POU2F2: variants seen among roughly 807,000 people sequenced by gnomAD.
POU2F2 encodes POU class 2 homeobox 2.
A neutral mutation model predicts 63.5 loss-of-function variants in POU2F2; 14 were observed. The observed-to-expected ratio is 0.22, with a 90% CI of 0.15 to 0.34. The LOEUF (loss-of-function observed/expected upper bound fraction) is 0.34. POU2F2 is among the 10% of genes least tolerant of loss of function. The probability of loss-of-function intolerance (pLI) is 1.00; values close to 1 mark genes in which losing one functional copy is unlikely to be tolerated. For missense variants in POU2F2, 607 were observed against 815.2 expected, an observed-to-expected ratio of 0.74 and a Z score of 3.11; for synonymous variants, 306 against 348.6, an observed-to-expected ratio of 0.88 and a Z score of 1.36.
intron 1 of POU2F2, among the ~76,000 whole-genome samples, chr19:42,196,154 G>T (rs1450399093): frequency 6.6e-6 from 1 of 152,042 alleles, no homozygotes; most frequent in Non-Finnish European, 1.5e-5. Flanking sequence ...CCTGGGCTCC[G>T]ACCCGCTGTG....
intron 5 of POU2F2, among the ~76,000 whole-genome samples, chr19:42,115,022 C>T (rs1489106172): frequency 1.3e-5 from 2 of 152,044 alleles, no homozygotes; most frequent in East Asian, 1.9e-4. Context: ...TGGTGGCATG[C>T]ACTTGTAGTC....
intron 2 of POU2F2, among the ~76,000 whole-genome samples, chr19:42,137,599 G>T (rs943950356): frequency 6.6e-6 from 1 of 151,850 alleles, no homozygotes; most frequent in Admixed American, 6.6e-5. Flanking sequence ...GGTGGTGTGC[G>T]TCTGTAGTCC....
chr19:42,175,599 T>C (rs936532170), intron 1 of POU2F2, among the ~76,000 whole-genome samples: 29 of 148,896 alleles, frequency 1.9e-4, no homozygotes, highest in African/African-American at 4.0e-4. Context: ...AAGGAAGAGA[T>C]AGAAACTGAA....
chr19:42,093,303 C>A (rs1365330702), intron 12 of POU2F2, among the ~76,000 whole-genome samples: 3 of 151,906 alleles, frequency 2.0e-5, no homozygotes, highest in Non-Finnish European at 4.4e-5. Context: ...AGCCACCACA[C>A]CCAGCGAATT....
intron 5 of POU2F2, among the ~76,000 whole-genome samples, chr19:42,107,697 A>T (rs773949257): frequency 2.0e-5 from 3 of 152,286 alleles, no homozygotes; most frequent in Non-Finnish European, 4.4e-5. Flanking sequence ...TTTCCCATCC[A>T]AGTTCATGGA....
At chr19:42,132,627 G>C (rs1310631929), upstream of POU2F2, 8 of 423,664 alleles carry the variant, frequency 1.9e-5, no homozygotes, top group Non-Finnish European at 2.9e-5. Context: ...TAGTGGGGCA[G>C]AGGATAAGCA....
In POU2F2 at chr19:42,184,681, C is replaced by T. The variant is rs138200913; in HGVS notation, c.-70+11702G>A. Among the ~76,000 whole-genome samples, 313 of 152,214 alleles carry T rather than the reference C, an allele frequency of 2.1e-3. 3 individuals carry two copies. The highest frequency in any genetic ancestry group is 7.2e-3 in the African/African-American group (299 of 41,518). On this transcript the variant is annotated intron_variant, in intron 1 of 5. Coordinates refer to the POU2F2 transcript ENST00000532176. ...TAAATCCTACAAGCACTTTTCAGTC[C>T]TATCTGACTCTCCTCTGCAGCATGC...
intron 2 of POU2F2, among the ~76,000 whole-genome samples, chr19:42,141,865 G>A (rs1206528834): frequency 6.6e-6 from 1 of 152,184 alleles, no homozygotes; most frequent in Non-Finnish European, 1.5e-5. Context: ...ATTTGAGGTT[G>A]AGAAAAATAA....
rs762904699 is a variant in POU2F2, at chr19:42,092,100, T to C, written c.1435A>G (p.Ile479Val). The change falls in exon 13 of 15, where the codon ATC (isoleucine) becomes GTC (valine). Residue 479 changes from isoleucine (I) to valine (V), a missense_variant. By Grantham distance (29) the Ile-to-Val change is conservative (BLOSUM62 3). Transcript: ENST00000692977. This position sits in a 1 kb window ranked among gnomAD's most constrained non-coding sequence, Gnocchi z 5.0. The stretch of plus-strand genomic sequence containing the variant: ...CTGGGGTTCAGGCCTGACAAGCCGA[T>C]AGCCGAGTGGCTGCCTTGAGGGCTG... The part of the protein sequence containing the change: ...NPSPQGSHSA[I>V]GLSGLNPSTG... The C allele has an allele frequency of 1.3e-6, 2 of 1,595,656 alleles. No individual in the cohort carries two copies. Among genetic ancestry groups the C allele is most frequent in the East Asian group, 4.5e-5 (2 of 44,730 alleles).
chr19:42,181,426 C>T (rs571439658), intron 1 of POU2F2, among the ~76,000 whole-genome samples: 2 of 152,294 alleles, frequency 1.3e-5, no homozygotes, highest in South Asian at 2.1e-4. Flanking sequence ...TCTTCCTGTA[C>T]GAATGAGCTC....
In POU2F2 at chr19:42,095,521, C is replaced by T; in HGVS notation, c.1020+24G>A. Reference sequence around the variant, plus strand: ...CCGCCCGCCACCCCTCAGGTGAGGGCCACCCAGGAGAGGGGGGCCTCACCG... The same window carrying T: ...CCGCCCGCCACCCCTCAGGTGAGGGTCACCCAGGAGAGGGGGGCCTCACCG... On this transcript the variant is annotated intron_variant, in intron 10 of 14. Coordinates refer to ENST00000692977, the MANE Select transcript of POU2F2 (RefSeq NM_001394376.1). The surrounding 1 kb of genome is among the most constrained non-coding windows in gnomAD (Gnocchi z 7.1). 1 of 1,601,304 alleles carries T rather than the reference C, an allele frequency of 6.2e-7. No homozygotes were observed. Among genetic ancestry groups the T allele is most frequent in the South Asian group, 1.1e-5 (1 of 89,876 alleles).
chr19:42,105,769 C>A (rs2077312748), intron 5 of POU2F2, among the ~76,000 whole-genome samples: 1 of 152,174 alleles, frequency 6.6e-6, no homozygotes, highest in Admixed American at 6.5e-5. Context: ...TGCAAGTCTT[C>A]CCAGTTCCCT....
At chr19:42,111,554 A>G (rs1271019116) in intron 5 of POU2F2, among the ~76,000 whole-genome samples, 1 of 152,160 alleles carries the variant, frequency 6.6e-6, no homozygotes, top group African/African-American at 2.4e-5. Context: ...AACATGTCCA[A>G]AATGAAACTG....
chr19:42,135,371 G>T (rs976041196), upstream of POU2F2, among the ~76,000 whole-genome samples: 1 of 152,010 alleles, frequency 6.6e-6, no homozygotes, highest in African/African-American at 2.4e-5. Context: ...CTTCAGCAGC[G>T]CCCAGGCCAG....
At chr19:42,138,426 G>A (rs1339054039) in intron 2 of POU2F2, among the ~76,000 whole-genome samples, 1 of 152,166 alleles carries the variant, frequency 6.6e-6, no homozygotes, top group Non-Finnish European at 1.5e-5. Flanking sequence ...CAGCATTCAA[G>A]GGGGTTGCCA....
At chr19:42,101,123 A>G (rs1275848654) in intron 5 of POU2F2, among the ~76,000 whole-genome samples, 2 of 152,146 alleles carry the variant, frequency 1.3e-5, no homozygotes, top group African/African-American at 4.8e-5. Context: ...ACAACAAAAC[A>G]AACAAACAAA....
intron 1 of POU2F2, among the ~76,000 whole-genome samples, chr19:42,174,682 G>A (rs1248882806): frequency 6.6e-6 from 1 of 151,836 alleles, no homozygotes; most frequent in African/African-American, 2.4e-5. Context: ...CACCACACAT[G>A]CAGGCCTTAT....
At chr19:42,119,228 C>A (rs1384801521) in intron 4 of POU2F2, among the ~76,000 whole-genome samples, 1 of 151,976 alleles carries the variant, frequency 6.6e-6, no homozygotes, top group Non-Finnish European at 1.5e-5. Flanking sequence ...CTATCCCTGG[C>A]AGGGGCATTA....
chr19:42,132,350 C>T (rs1385010534), intron 1 of POU2F2, 34 bp downstream of exon 1: 1 of 1,583,848 alleles, frequency 6.3e-7, no homozygotes, highest in Non-Finnish European at 8.6e-7. Context: ...GCTGCCTGTC[C>T]TCTGAGCAGT....
Sources: gnomAD v4.1 joint callset for allele counts (sites outside exome capture counted in the v4.1 genomes callset) on GRCh38, gnomAD v4.1.1 for gene constraint, Gnocchi (gnomAD v3.1) non-coding constraint, MANE v1.5 for transcripts, NCBI Gene and HGNC (gene_info 2026-07-23, HGNC 2026-07-21) for gene names.